Variants in TMEM150C observed in about 807,000 individuals in gnomAD.
TMEM150C encodes the protein transmembrane protein 150C.
In TMEM150C, 10 loss-of-function variants were observed where a neutral mutation model predicts 29.9. The observed-to-expected ratio is 0.33, with a 90% CI of 0.21 to 0.57. The LOEUF is 0.57. Ranked by LOEUF, TMEM150C falls within the 20% of genes least tolerant of loss-of-function variation. The probability of loss-of-function intolerance (pLI) is 0.88; values close to 1 mark genes in which losing one functional copy is unlikely to be tolerated. For synonymous variants in TMEM150C, 101 were observed against 112.5 expected, an observed-to-expected ratio of 0.90 and a Z score of 0.64; for missense variants, 251 against 303.6, an observed-to-expected ratio of 0.83 and a Z score of 1.29.
chr4:82,561,720 C>T (rs1725939342), intron 1 of TMEM150C, among the ~76,000 whole-genome samples, 186 bp downstream of exon 1: 1 of 147,064 alleles, frequency 6.8e-6, no homozygotes, highest in African/African-American at 2.4e-5. Flanking sequence ...GGCGGCCCCG[C>T]GCCCGGGACG....
intron 1 of TMEM150C, among the ~76,000 whole-genome samples, chr4:82,539,996 G>T (rs898575369): frequency 5.9e-5 from 9 of 151,850 alleles, no homozygotes; most frequent in African/African-American, 2.2e-4. Context: ...GATTAGTTTG[G>T]AATTTGACAG....
chr4:82,543,517 A>T lies in TMEM150C; in HGVS notation c.-11+18389T>A, dbSNP rs146016218. Among the ~76,000 whole-genome samples the T allele has an allele frequency of 3.4e-4, 52 of 152,344 alleles. No individual in the cohort carries two copies. In the East Asian group the frequency reaches 9.8e-3, roughly 29 times the overall value. On this transcript the variant is annotated intron_variant, in intron 1 of 7. Transcript: ENST00000449862. The stretch of plus-strand genomic sequence containing the variant: ...ACGCTGTTACTACTTTTTCTAGCCT[A>T]CTAGAAAAAAATGAAAGAAAACAAC...
chr4:82,497,975 G>A (rs1723609979), intron 5 of TMEM150C, among the ~76,000 whole-genome samples: 1 of 151,974 alleles, frequency 6.6e-6, no homozygotes, highest in Non-Finnish European at 1.5e-5. Flanking sequence ...AGTTGTGTAT[G>A]GCTGTTAGGA....
In TMEM150C at chr4:82,485,646, C is replaced by T. The variant is rs1560477293; in HGVS notation, c.615G>A (p.Leu205=). The T allele has an allele frequency of 6.2e-7, 1 of 1,609,612 alleles. No individual in the cohort carries two copies. The highest frequency in any genetic ancestry group is 2.2e-5 in the East Asian group (1 of 44,792). ...RVQWGLVMCF[L]SYFGTFAVEF... is the part of the protein sequence containing the mutation. ...CCACGGCAAAGGTGCCAAAATAAGA[C>T]AGGAAGCACATGACCAGGCCCCACT... Residue 205 remains leucine (L), a synonymous_variant, in exon 8 of 8, where the codon CTG becomes CTA. Transcript: ENST00000449862.
At position 82,484,362 on chromosome 4, in the gene TMEM150C, ATTC is replaced by A. The variant is rs1324594219; in HGVS notation, c.*1146_*1148del. On this transcript the variant is annotated 3_prime_UTR_variant, in exon 8 of 8. Coordinates refer to ENST00000449862, the MANE Select transcript of TMEM150C (RefSeq NM_001080506.3). ...TGTCAATTTGGTTTTTAGGAAGGGT[ATTC>A]TTTTAATTGGCTTCTACAAATTCCA... 6.6e-6 allele frequency: 1 copy of A among 150,940 alleles called. No individual in the cohort carries two copies. The highest frequency in any genetic ancestry group is 1.5e-5 in the Non-Finnish European group (1 of 67,858). 9.4% of individuals were successfully genotyped at this position (150,940 alleles called of 1,614,324 possible).
At chr4:82,544,775 C>CAAAAAA (rs149817695) in intron 1 of TMEM150C, among the ~76,000 whole-genome samples, 1 of 134,636 alleles carries the variant, frequency 7.4e-6, no homozygotes, top group African/African-American at 3.3e-5. Context: ...TAAGACTATG[C>CAAAAAA]AAAAAAAAAC....
chr4:82,557,758 G>C (rs1338291209), intron 1 of TMEM150C, among the ~76,000 whole-genome samples: 2 of 144,918 alleles, frequency 1.4e-5, no homozygotes, highest in Non-Finnish European at 3.0e-5. Context: ...TTTTGATATG[G>C]AGTCTAGCTC....
chr4:82,489,671 TAAATG>T (rs1259014869), intron 7 of TMEM150C, among the ~76,000 whole-genome samples: 3 of 152,150 alleles, frequency 2.0e-5, no homozygotes, highest in African/African-American at 7.2e-5. Flanking sequence ...TCAGAGCTAA[TAAATG>T]AAATGAAATA....
chr4:82,552,603 T>C (rs72895802), intron 1 of TMEM150C, among the ~76,000 whole-genome samples: 7,364 of 152,202 alleles, frequency 0.048, 622 homozygotes, highest in African/African-American at 0.17. Flanking sequence ...TGATGTTGCC[T>C]AGCCAGTAGA....
chr4:82,506,817 C>T (rs115032331), intron 1 of TMEM150C, among the ~76,000 whole-genome samples: 404 of 152,190 alleles, frequency 2.7e-3, no homozygotes, highest in African/African-American at 9.3e-3. Context: ...CCATAAGTAG[C>T]CAAATGTAGA....
At chr4:82,511,007 C>T (rs150862063) in intron 1 of TMEM150C, among the ~76,000 whole-genome samples, 1 of 152,088 alleles carries the variant, frequency 6.6e-6, no homozygotes. Context: ...TGCAGGCTCT[C>T]GGATATAAAT....
chr4:82,511,444 A>T (rs1013786457), intron 1 of TMEM150C, among the ~76,000 whole-genome samples: 5 of 150,624 alleles, frequency 3.3e-5, no homozygotes, highest in African/African-American at 1.2e-4. Flanking sequence ...TTTTCTCAGA[A>T]ATCAATGGAG....
chr4:82,503,014 C>G (rs748303541), intron 3 of TMEM150C, 45 bp downstream of exon 3: 1 of 1,606,884 alleles, frequency 6.2e-7, no homozygotes, highest in Non-Finnish European at 8.5e-7. Context: ...AAAGTTTTTG[C>G]TAAATCTCTT....
chr4:82,486,850 ATAAATGGAAGGAGGAGCTGGGAAG>A (rs997074639), intron 7 of TMEM150C, among the ~76,000 whole-genome samples: 2 of 152,150 alleles, frequency 1.3e-5, no homozygotes, highest in African/African-American at 4.8e-5. Context: ...ACACAACAGA[ATAAATGGAAGGAGGAGCTGGGAAG>A]AAGGGTAAAA....
chr4:82,555,182 A>C (rs1474541820), intron 1 of TMEM150C, among the ~76,000 whole-genome samples: 8 of 152,216 alleles, frequency 5.3e-5, no homozygotes, highest in Non-Finnish European at 1.0e-4. Flanking sequence ...TGTCATATGA[A>C]ATTCTTAAAA....
intron 1 of TMEM150C, among the ~76,000 whole-genome samples, chr4:82,559,915 C>T (rs139729670): frequency 9.5e-4 from 145 of 152,258 alleles, no homozygotes; most frequent in South Asian, 7.5e-3. Context: ...GGCTGCCCTG[C>T]TAATCTGACC....
At chr4:82,524,815 TG>T (rs1174120642) in intron 1 of TMEM150C, among the ~76,000 whole-genome samples, 3 of 152,176 alleles carry the variant, frequency 2.0e-5, no homozygotes, top group Non-Finnish European at 4.4e-5. Flanking sequence ...CTGAGGAAGC[TG>T]GGACTGATGA....
intron 1 of TMEM150C, among the ~76,000 whole-genome samples, chr4:82,540,114 CTTTTTTTTTTTTTTTTT>C (rs577728662): frequency 6.8e-4 from 32 of 47,260 alleles, no homozygotes; most frequent in South Asian, 2.5e-3. Flanking sequence ...TCTACCTATT[CTTTTTTTTTTTTTTTTT>C]TTTTTTTTTT....
intron 1 of TMEM150C, among the ~76,000 whole-genome samples, chr4:82,530,340 G>A (rs554345020): frequency 3.1e-4 from 47 of 152,100 alleles, no homozygotes; most frequent in South Asian, 1.5e-3. Context: ...GGTGGATCAC[G>A]AGGTTAGGAG....
Sources: gnomAD v4.1 joint callset for allele counts (sites outside exome capture counted in the v4.1 genomes callset) on GRCh38, gnomAD v4.1.1 for gene constraint, MANE v1.5 for transcripts, NCBI Gene and HGNC (gene_info 2026-07-23, HGNC 2026-07-21) for gene names.